Variants in TENM4 observed in about 807,000 individuals in gnomAD.
TENM4 encodes teneurin-4.
TENM4 carries 82 observed loss-of-function variants against 243.3 expected under a neutral mutation model. The observed-to-expected ratio is 0.34, with a 90% CI of 0.28 to 0.40. The LOEUF (loss-of-function observed/expected upper bound fraction) is 0.40. TENM4 is among the 10% of genes least tolerant of loss of function. TENM4 has a pLI of 1.00. For missense variants in TENM4, 3,138 were observed against 3,673.3 expected, an observed-to-expected ratio of 0.85 and a Z score of 3.77; for synonymous variants, 1,412 against 1,456.3, an observed-to-expected ratio of 0.97 and a Z score of 0.69.
intron 6 of TENM4, among the ~76,000 whole-genome samples, chr11:78,931,462 T>C (rs186849761): frequency 1.3e-5 from 2 of 152,218 alleles, no homozygotes; most frequent in East Asian, 1.9e-4. Context: ...CAGTAGAAAA[T>C]AAGTGGTAGG....
At chr11:79,283,203 CACACACACAA>C (rs752818156) in intron 2 of TENM4, among the ~76,000 whole-genome samples, 91 of 125,272 alleles carry the variant, frequency 7.3e-4, no homozygotes, top group South Asian at 1.8e-3. Context: ...AAAGACATCA[CACACACACAA>C]ACACACACAC....
chr11:79,295,533 T>C (rs1162201731), intron 2 of TENM4, among the ~76,000 whole-genome samples: 2 of 152,140 alleles, frequency 1.3e-5, no homozygotes, highest in Admixed American at 6.5e-5. Flanking sequence ...ACTCAAGACA[T>C]GGGACACTCA....
At chr11:78,925,680 A>G (rs982692884) in intron 6 of TENM4, among the ~76,000 whole-genome samples, 1 of 152,000 alleles carries the variant, frequency 6.6e-6, no homozygotes, top group African/African-American at 2.4e-5. Flanking sequence ...CCAGAAGGTC[A>G]CCTCCCTGCC....
At chr11:79,314,277 G>A (rs941383212) in intron 1 of TENM4, among the ~76,000 whole-genome samples, 1 of 152,202 alleles carries the variant, frequency 6.6e-6, no homozygotes, top group Admixed American at 6.5e-5. Context: ...ACTAAGCATA[G>A]TGCCTGGCAA....
At chr11:78,745,227 C>CTTTTTTTT (rs1783943) in intron 19 of TENM4, among the ~76,000 whole-genome samples, 2 of 128,060 alleles carry the variant, frequency 1.6e-5, no homozygotes, top group African/African-American at 2.9e-5. Flanking sequence ...TTTTCTTTTT[C>CTTTTTTTT]TTTTTTTTTT....
intron 22 of TENM4, 84 bp downstream of exon 22, chr11:78,729,292 G>T: frequency 4.3e-6 from 6 of 1,397,606 alleles, no homozygotes; most frequent in Non-Finnish European, 5.8e-6. Context: ...CTGAGAAGAG[G>T]AAGGAAGGAA....
At chr11:79,295,109 A>G (rs889984110) in intron 2 of TENM4, among the ~76,000 whole-genome samples, 1 of 152,214 alleles carries the variant, frequency 6.6e-6, no homozygotes, top group Non-Finnish European at 1.5e-5. Flanking sequence ...CACCAGCCCC[A>G]GAACTGAGAC....
At chr11:78,881,995 T>C (rs1855441771) in intron 9 of TENM4, among the ~76,000 whole-genome samples, 1 of 152,246 alleles carries the variant, frequency 6.6e-6, no homozygotes, top group South Asian at 2.1e-4. Context: ...CAGGATCCTG[T>C]ATCTTTATCA....
At chr11:79,432,131 C>T (rs974003354) in intron 1 of TENM4, among the ~76,000 whole-genome samples, 1 of 152,068 alleles carries the variant, frequency 6.6e-6, no homozygotes, top group African/African-American at 2.4e-5. Flanking sequence ...TAGAATAGCT[C>T]TAGATTATCT....
chr11:79,394,421 A>G (rs1438482506), intron 1 of TENM4, among the ~76,000 whole-genome samples: 1 of 152,194 alleles, frequency 6.6e-6, no homozygotes, highest in East Asian at 1.9e-4. Flanking sequence ...TCTACACTGT[A>G]TAATTTTGAG....
At chr11:78,809,496 G>A (rs540084255) in intron 14 of TENM4, among the ~76,000 whole-genome samples, 3 of 152,302 alleles carry the variant, frequency 2.0e-5, no homozygotes, top group South Asian at 2.1e-4. Flanking sequence ...GAGGTGGTAG[G>A]TAGACTCTGC....
chr11:79,390,765 A>G (rs1858217103), intron 1 of TENM4, among the ~76,000 whole-genome samples: 1 of 152,186 alleles, frequency 6.6e-6, no homozygotes, highest in Admixed American at 6.5e-5. Context: ...CTCCAGGCCA[A>G]TGTGTCCTGG....
At chr11:79,084,923 C>T (rs553834617) in intron 4 of TENM4, among the ~76,000 whole-genome samples, 1 of 152,132 alleles carries the variant, frequency 6.6e-6, no homozygotes, top group Admixed American at 6.5e-5. Flanking sequence ...ATTGTATCAA[C>T]GTCAACATCC....
chr11:79,217,426 C>G (rs1487025802), intron 2 of TENM4, among the ~76,000 whole-genome samples: 1 of 152,026 alleles, frequency 6.6e-6, no homozygotes, highest in African/African-American at 2.4e-5. Flanking sequence ...CCCCAAAAAG[C>G]CATTATTTGA....
chr11:78,853,859 T>G (rs1453519640), intron 12 of TENM4, among the ~76,000 whole-genome samples: 1 of 152,174 alleles, frequency 6.6e-6, no homozygotes, highest in Non-Finnish European at 1.5e-5. Context: ...CACCTTGAAA[T>G]GCACTGCACA....
At chr11:79,359,965 C>T (rs538906) in intron 1 of TENM4, among the ~76,000 whole-genome samples, 49,876 of 151,808 alleles carry the variant, frequency 0.33, 8,943 homozygotes, top group Non-Finnish European at 0.39. Flanking sequence ...ACAAACTGTA[C>T]GCATGGCATG....
intron 3 of TENM4, among the ~76,000 whole-genome samples, chr11:79,180,478 C>T (rs1159767448): frequency 6.6e-6 from 1 of 151,678 alleles, no homozygotes; most frequent in African/African-American, 2.4e-5. Context: ...GCAGTGTTGC[C>T]TTGGTCAAGT....
rs146821188 is a variant in TENM4 at position 79,407,105 on chromosome 11, C to T, written c.-321+33404G>A. On this transcript the variant is annotated intron_variant, in intron 1 of 33. Transcript: ENST00000278550. Reference sequence around the variant, plus strand: ...GTGTGGACTGATCATTCACTCAATTCATTGCTCCACGAATATGTATGAGTA... The same window carrying T: ...GTGTGGACTGATCATTCACTCAATTTATTGCTCCACGAATATGTATGAGTA... Among the ~76,000 whole-genome samples the T allele has an allele frequency of 3.2e-3, 482 of 152,238 alleles. 1 individual carries two copies. Among genetic ancestry groups the T allele is most frequent in the Non-Finnish European group, 4.9e-3 (331 of 68,018 alleles).
chr11:79,001,368 G>T (rs921299980), intron 6 of TENM4, among the ~76,000 whole-genome samples: 2 of 152,146 alleles, frequency 1.3e-5, no homozygotes, highest in African/African-American at 4.8e-5. Context: ...CCTGCATGGG[G>T]CTACTGAGCA....
Sources: gnomAD v4.1 joint callset for allele counts (sites outside exome capture counted in the v4.1 genomes callset) on GRCh38, gnomAD v4.1.1 for gene constraint, MANE v1.5 for transcripts, NCBI Gene and HGNC (gene_info 2026-07-23, HGNC 2026-07-21) for gene names.